The following OPCML variants were observed in gnomAD, a reference collection of about 807,000 sequenced individuals.
OPCML encodes opioid-binding protein/cell adhesion molecule.
OPCML carries 13 observed loss-of-function variants against 37.8 expected under a neutral mutation model. The observed-to-expected ratio is 0.34, with a 90% confidence interval of 0.22 to 0.55. OPCML has a LOEUF of 0.55. OPCML is among the 20% of genes least tolerant of loss of function. OPCML has a pLI of 0.91. For missense variants in OPCML, 341 were observed against 435.6 expected, an observed-to-expected ratio of 0.78 and a Z score of 1.93; for synonymous variants, 176 against 168.8, an observed-to-expected ratio of 1.04 and a Z score of -0.33.
chr11:132,854,562 A>C (rs1941971393), intron 2 of OPCML, among the ~76,000 whole-genome samples: 1 of 152,180 alleles, frequency 6.6e-6, no homozygotes, highest in Admixed American at 6.5e-5. Context: ...TCTCATTAGC[A>C]TGCAAAAGGA....
At chr11:133,162,776 A>T (rs1211049871) in intron 1 of OPCML, among the ~76,000 whole-genome samples, 1 of 152,234 alleles carries the variant, frequency 6.6e-6, no homozygotes, top group African/African-American at 2.4e-5. Context: ...TGCTCCATGC[A>T]TACACGGTTG....
At chr11:132,981,649 G>A (rs535812005) in intron 1 of OPCML, among the ~76,000 whole-genome samples, 1 of 152,262 alleles carries the variant, frequency 6.6e-6, no homozygotes, top group East Asian at 1.9e-4. Flanking sequence ...GATATTACAG[G>A]GGGAAACAAA....
At chr11:132,473,633 C>T (rs1403626911) in intron 4 of OPCML, among the ~76,000 whole-genome samples, 1 of 152,114 alleles carries the variant, frequency 6.6e-6, no homozygotes, top group Non-Finnish European at 1.5e-5. Flanking sequence ...CGAGACCAGC[C>T]TGTGCAACAT....
chr11:132,547,251 A>G (rs2096370796), intron 3 of OPCML, among the ~76,000 whole-genome samples: 1 of 152,214 alleles, frequency 6.6e-6, no homozygotes, highest in Non-Finnish European at 1.5e-5. Flanking sequence ...GGGAGATGCC[A>G]TAAGTCAAGG....
At chr11:132,687,186 T>A (rs551940466) in intron 2 of OPCML, among the ~76,000 whole-genome samples, 1 of 151,832 alleles carries the variant, frequency 6.6e-6, no homozygotes, top group African/African-American at 2.4e-5. Flanking sequence ...CGGTTAGGAA[T>A]TTTTCCACTC....
chr11:133,380,626 C>T (rs1944910169), intron 1 of OPCML, among the ~76,000 whole-genome samples: 1 of 152,066 alleles, frequency 6.6e-6, no homozygotes, highest in Admixed American at 6.5e-5. Flanking sequence ...CTAAACCATA[C>T]CTCTTCTATC....
At chr11:133,214,481 T>C (rs1939503765) in intron 1 of OPCML, among the ~76,000 whole-genome samples, 1 of 152,202 alleles carries the variant, frequency 6.6e-6, no homozygotes. Flanking sequence ...TTTTTCGTAA[T>C]GTTCAGGTTT....
chr11:133,182,453 TGCCA>T (rs1390349066), intron 1 of OPCML, among the ~76,000 whole-genome samples: 106 of 152,298 alleles, frequency 7.0e-4, no homozygotes, highest in African/African-American at 2.5e-3. Context: ...GCCAGCTGCC[TGCCA>T]GTTATGTTCT....
chr11:133,194,131 T>C (rs66856360), intron 1 of OPCML, among the ~76,000 whole-genome samples: 30,315 of 151,270 alleles, frequency 0.2, 3,274 homozygotes, highest in African/African-American at 0.27. Flanking sequence ...TCTAAGTCTG[T>C]CCAAACCTGA....
At chr11:132,439,906 G>A (rs977030825) in intron 4 of OPCML, among the ~76,000 whole-genome samples, 1 of 152,182 alleles carries the variant, frequency 6.6e-6, no homozygotes, top group Non-Finnish European at 1.5e-5. Context: ...TTTCCTTAGA[G>A]AGAAGAAAGA....
intron 2 of OPCML, among the ~76,000 whole-genome samples, chr11:132,759,811 G>T (rs1946197063): frequency 2.0e-5 from 3 of 151,982 alleles, no homozygotes; most frequent in Non-Finnish European, 4.4e-5. Flanking sequence ...GTTCTACTCT[G>T]ATCTTAGTCA....
intron 1 of OPCML, chr11:133,024,532 A>G (rs1296896641): frequency 1.0e-6 from 1 of 985,290 alleles, no homozygotes; most frequent in Admixed American, 6.1e-5. Context: ...GCCTGCTGTA[A>G]TATACCCTTT....
chr11:133,211,979 A>T lies in OPCML; in HGVS notation c.62-268969T>A, dbSNP rs1464139099. Among the ~76,000 whole-genome samples, 1 of 152,178 alleles carries T rather than the reference A, an allele frequency of 6.6e-6. No individual in the cohort carries two copies. Among genetic ancestry groups the T allele is most frequent in the Non-Finnish European group, 1.5e-5 (1 of 68,034 alleles). On this transcript the variant is annotated intron_variant, in intron 1 of 7. Coordinates refer to ENST00000524381, the MANE Select transcript of OPCML (RefSeq NM_001012393.5). The surrounding 1 kb of genome is among the most constrained non-coding windows in gnomAD (Gnocchi z 4.1). Reference sequence around the variant, plus strand: ...ACAAAGCCATGAACGCTGGGCTGTCAGATGGCAAGCCTAGTGCATACAGCC... The same window carrying T: ...ACAAAGCCATGAACGCTGGGCTGTCTGATGGCAAGCCTAGTGCATACAGCC...
intron 2 of OPCML, among the ~76,000 whole-genome samples, chr11:132,694,945 C>T (rs1414586655): frequency 6.6e-6 from 1 of 152,142 alleles, no homozygotes; most frequent in Non-Finnish European, 1.5e-5. Context: ...AAAGATGATA[C>T]CTGCGACATT....
chr11:132,589,236 C>G (rs1475364200), intron 3 of OPCML, among the ~76,000 whole-genome samples: 6 of 152,098 alleles, frequency 3.9e-5, no homozygotes, highest in African/African-American at 1.2e-4. Flanking sequence ...CTCCCAACTT[C>G]CTCTACACTG....
At chr11:132,862,797 T>C (rs1367930808) in intron 2 of OPCML, among the ~76,000 whole-genome samples, 1 of 152,208 alleles carries the variant, frequency 6.6e-6, no homozygotes, top group African/African-American at 2.4e-5. Context: ...AGCTAAACTC[T>C]TCTCTAAAGC....
chr11:133,004,628 C>A lies in OPCML; in HGVS notation c.62-61618G>T, dbSNP rs1032053812. The A allele has an allele frequency of 1.2e-5, 12 of 985,478 alleles. No homozygotes were observed. In the African/African-American group the frequency reaches 1.9e-4, roughly 16 times the overall value. The allele number at this position is 985,478 out of a possible 1,614,324, so 61.0% of individuals were successfully genotyped here. ...GCTCCTCTGATCCAGTTGCTGCCCC[C>A]ACTGCTAACAGCTGCTCGGGAGGCC... On this transcript the variant is annotated intron_variant, in intron 1 of 7. Transcript: ENST00000524381.
chr11:132,962,445 T>C (rs1167417767), intron 1 of OPCML, among the ~76,000 whole-genome samples: 1 of 152,252 alleles, frequency 6.6e-6, no homozygotes, highest in East Asian at 1.9e-4. Context: ...TGCCTGTGCA[T>C]CATCAGTTTG....
At chr11:132,826,296 T>C in intron 2 of OPCML, among the ~76,000 whole-genome samples, 1 of 152,246 alleles carries the variant, frequency 6.6e-6, no homozygotes, top group East Asian at 1.9e-4. Context: ...AGCAAGTTTT[T>C]GATGGCAATT....
Sources: allele counts gnomAD v4.1 joint callset (sites outside exome capture counted in the v4.1 genomes callset), GRCh38; gene constraint gnomAD v4.1.1; non-coding constraint Gnocchi (gnomAD v3.1); transcripts MANE v1.5; gene names NCBI Gene and HGNC (gene_info 2026-07-23, HGNC 2026-07-21).